GLRA3: variants seen among roughly 807,000 people sequenced by gnomAD.
GLRA3 encodes glycine receptor subunit alpha-3.
A neutral mutation model predicts 60.4 loss-of-function variants in GLRA3; 44 were observed. The ratio of observed to expected loss-of-function variants is 0.73; its 90% CI spans 0.57 to 0.94. GLRA3 has a LOEUF of 0.94. GLRA3 is among the 40% of genes least tolerant of loss of function. The pLI is 0.00. For missense variants in GLRA3, 508 were observed against 564.6 expected, an observed-to-expected ratio of 0.90 and a Z score of 1.02; for synonymous variants, 223 against 192.9, an observed-to-expected ratio of 1.16 and a Z score of -1.29.
In GLRA3 at chr4:174,715,411, T is replaced by G. The variant is rs1050021594; in HGVS notation, c.574+77A>C. On this transcript the variant is annotated intron_variant, in intron 5 of 9. Transcript: ENST00000274093. The stretch of plus-strand genomic sequence containing the variant: ...GTGACCAAAATGATTACAAAATAAA[T>G]TATCCATATTAGGCATTAAAAGCTT... The G allele has an allele frequency of 8.3e-6, 6 of 719,248 alleles. No individual in the cohort carries two copies. The African/African-American group carries it at 1.1e-4, about 13-fold the overall frequency. 44.6% of individuals were successfully genotyped at this position (719,248 alleles called of 1,614,324 possible).
At chr4:174,718,957 T>G (rs1435147096) in intron 4 of GLRA3, among the ~76,000 whole-genome samples, 2 of 118,890 alleles carry the variant, frequency 1.7e-5, no homozygotes, top group Non-Finnish European at 3.5e-5. Flanking sequence ...CTAGATTTCG[T>G]GCTTTTTTTT....
chr4:174,706,209 G>A (rs956417626), intron 5 of GLRA3, among the ~76,000 whole-genome samples: 13 of 151,160 alleles, frequency 8.6e-5, no homozygotes, highest in African/African-American at 2.9e-4. Flanking sequence ...CAGCCTGGGC[G>A]AAAGGGCGAG....
intron 2 of GLRA3, among the ~76,000 whole-genome samples, chr4:174,782,446 T>C (rs1738920875): frequency 6.7e-6 from 1 of 148,716 alleles, no homozygotes; most frequent in Non-Finnish European, 1.5e-5. Context: ...CTATTCAACA[T>C]AGTGTTGGAA....
chr4:174,644,102 C>T (rs1732720284), intron 9 of GLRA3, 38 bp from the exon 10 acceptor site: 4 of 1,188,368 alleles, frequency 3.4e-6, no homozygotes, highest in East Asian at 2.4e-5. Flanking sequence ...TTTAATAATA[C>T]AATAGAGCAT....
intron 2 of GLRA3, among the ~76,000 whole-genome samples, chr4:174,775,987 G>C (rs1054925229): frequency 6.6e-6 from 1 of 152,030 alleles, no homozygotes; most frequent in Non-Finnish European, 1.5e-5. Context: ...AAGCAAGCAG[G>C]GACTGCATGG....
chr4:174,809,705 C>A (rs1464150837), intron 1 of GLRA3, among the ~76,000 whole-genome samples: 1 of 151,992 alleles, frequency 6.6e-6, no homozygotes, highest in African/African-American at 2.4e-5. Flanking sequence ...TGCACTCCAG[C>A]CTGGGTGACA....
At chr4:174,714,628 T>C (rs953473066) in intron 5 of GLRA3, among the ~76,000 whole-genome samples, 1 of 152,164 alleles carries the variant, frequency 6.6e-6, no homozygotes, top group African/African-American at 2.4e-5. Context: ...AGCCTTGTCT[T>C]TGACACCTGG....
chr4:174,762,522 A>G (rs1737980137), intron 3 of GLRA3, among the ~76,000 whole-genome samples: 1 of 152,162 alleles, frequency 6.6e-6, no homozygotes, highest in Admixed American at 6.6e-5. Flanking sequence ...ACTGGAAGGC[A>G]TAGGGTTAGA....
In GLRA3 at chr4:174,638,798, C is replaced by T. The variant is rs1732560966; in HGVS notation, c.*4988G>A. On this transcript the variant is annotated 3_prime_UTR_variant, in exon 10 of 10. Coordinates refer to ENST00000274093, the MANE Select transcript of GLRA3 (RefSeq NM_006529.4). ...TATTCCAAAAATACTAAATTTAGCA[C>T]TTGGGACAGTGCCAGGCACACATAA... The T allele has an allele frequency of 6.6e-6, 1 of 152,186 alleles. No individual in the cohort carries two copies. Among genetic ancestry groups the T allele is most frequent in the Non-Finnish European group, 1.5e-5 (1 of 68,044 alleles). The allele number at this position is 152,186 out of a possible 1,614,324, so 9.4% of individuals were successfully genotyped here.
At chr4:174,756,335 A>G (rs1737695954) in intron 3 of GLRA3, among the ~76,000 whole-genome samples, 1 of 152,232 alleles carries the variant, frequency 6.6e-6, no homozygotes, top group South Asian at 2.1e-4. Context: ...AAGTTAACAC[A>G]GTAGCAAATA....
At chr4:174,671,411 G>T (rs1174335759) in intron 7 of GLRA3, among the ~76,000 whole-genome samples, 2 of 151,908 alleles carry the variant, frequency 1.3e-5, no homozygotes, top group Admixed American at 6.6e-5. Context: ...ATAAGACTGC[G>T]TATTTGCTAA....
At chr4:174,709,756 C>T (rs752872579) in intron 5 of GLRA3, among the ~76,000 whole-genome samples, 20 of 152,062 alleles carry the variant, frequency 1.3e-4, no homozygotes, top group Admixed American at 5.2e-4. Flanking sequence ...AACATATAAA[C>T]GGGGCCACAT....
Position 174,641,915 on chromosome 4 carries a change from T to C in GLRA3, c.*1871A>G, listed in dbSNP as rs1221570990. Reference sequence around the variant, plus strand: ...ACAAATGACATATCTTGCTCTAATCTTTAGAACAAGAATATGTTTCCATGG... The same window carrying C: ...ACAAATGACATATCTTGCTCTAATCCTTAGAACAAGAATATGTTTCCATGG... On this transcript the variant is annotated 3_prime_UTR_variant, in exon 10 of 10. Coordinates refer to ENST00000274093, the MANE Select transcript of GLRA3 (RefSeq NM_006529.4). 1 of 152,714 alleles carries C rather than the reference T, an allele frequency of 6.5e-6. No homozygotes were observed. Among genetic ancestry groups the C allele is most frequent in the Non-Finnish European group, 1.5e-5 (1 of 68,534 alleles). The allele number at this position is 152,714 out of a possible 1,614,324, so 9.5% of individuals were successfully genotyped here.
At chr4:174,698,134 A>C (rs1735136361) in intron 5 of GLRA3, among the ~76,000 whole-genome samples, 1 of 152,084 alleles carries the variant, frequency 6.6e-6, no homozygotes, top group Admixed American at 6.6e-5. Context: ...TAATGTTTTG[A>C]ATAGAGAATA....
intron 5 of GLRA3, chr4:174,712,763 A>T (rs952289229): frequency 2.6e-5 from 4 of 152,042 alleles, no homozygotes; most frequent in African/African-American, 9.7e-5. Context: ...GGTTCCACCG[A>T]TTTACAATCT....
At chr4:174,754,148 C>A (rs1186035561) in intron 3 of GLRA3, among the ~76,000 whole-genome samples, 1 of 152,112 alleles carries the variant, frequency 6.6e-6, no homozygotes. Context: ...CCTTTCTGAG[C>A]ATGATGATTA....
chr4:174,768,336 A>T (rs1254206967), intron 2 of GLRA3, among the ~76,000 whole-genome samples: 1 of 152,158 alleles, frequency 6.6e-6, no homozygotes, highest in African/African-American at 2.4e-5. Flanking sequence ...TATCAATTTT[A>T]AAAGTTCTAA....
intron 9 of GLRA3, among the ~76,000 whole-genome samples, chr4:174,653,826 CAG>C (rs1386311508): frequency 6.6e-6 from 1 of 152,034 alleles, no homozygotes; most frequent in Admixed American, 6.6e-5. Context: ...TAAATTTGAA[CAG>C]AGATTATATT....
chr4:174,642,698 G>T lies in GLRA3; in HGVS notation c.*1088C>A. The T allele has an allele frequency of 1.4e-6, 1 of 733,566 alleles. No individual in the cohort carries two copies. Among genetic ancestry groups the T allele is most frequent in the Non-Finnish European group, 1.7e-6 (1 of 600,402 alleles). The allele number at this position is 733,566 out of a possible 1,614,324, so 45.4% of individuals were successfully genotyped here. On this transcript the variant is annotated 3_prime_UTR_variant, in exon 10 of 10. Transcript: ENST00000274093. Reference sequence around the variant, plus strand: ...ATAGAAAAAGAGTCCTCACTTTATAGAAATGACTTACTTATATCATTTAAA... The same window carrying T: ...ATAGAAAAAGAGTCCTCACTTTATATAAATGACTTACTTATATCATTTAAA...
Sources: allele counts gnomAD v4.1 joint callset (sites outside exome capture counted in the v4.1 genomes callset), GRCh38; gene constraint gnomAD v4.1.1; transcripts MANE v1.5; gene names NCBI Gene and HGNC (gene_info 2026-07-23, HGNC 2026-07-21).